The following CMSS1 variants were observed in gnomAD, a reference collection of about 807,000 sequenced individuals.
The protein encoded by CMSS1 is protein CMSS1.
In CMSS1, 33 loss-of-function variants were observed where a neutral mutation model predicts 43.5. The ratio of observed to expected loss-of-function variants is 0.76; its 90% CI spans 0.57 to 1.01. CMSS1 has a LOEUF of 1.01. CMSS1 is among the 50% of genes least tolerant of loss of function. The probability of loss-of-function intolerance (pLI) is 0.00; values close to 1 mark genes in which losing one functional copy is unlikely to be tolerated. For synonymous variants in CMSS1, 115 were observed against 117.2 expected, an observed-to-expected ratio of 0.98 and a Z score of 0.12; for missense variants, 313 against 326.4, an observed-to-expected ratio of 0.96 and a Z score of 0.32.
At chr3:99,883,038 TATA>T (rs1266906727) in intron 1 of CMSS1, among the ~76,000 whole-genome samples, 2 of 152,128 alleles carry the variant, frequency 1.3e-5, no homozygotes, top group Admixed American at 6.5e-5. Context: ...GAAATTCTAT[TATA>T]ATTTATGTCA....
chr3:99,948,194 G>A (rs1216444229), intron 1 of CMSS1, among the ~76,000 whole-genome samples: 2 of 152,096 alleles, frequency 1.3e-5, no homozygotes, highest in African/African-American at 2.4e-5. Context: ...ACATTGCATG[G>A]TATAGGACAT....
chr3:100,124,189 A>T (rs1435437522), intron 1 of CMSS1, among the ~76,000 whole-genome samples: 5 of 149,344 alleles, frequency 3.3e-5, no homozygotes, highest in African/African-American at 4.9e-5. Context: ...AAACATTCCT[A>T]TTTTTTTTTT....
intron 1 of CMSS1, among the ~76,000 whole-genome samples, chr3:100,111,138 C>T (rs936648137): frequency 6.6e-6 from 1 of 152,048 alleles, no homozygotes; most frequent in African/African-American, 2.4e-5. Flanking sequence ...CTTTTAGCAA[C>T]TAAACTGAAT....
intron 1 of CMSS1, among the ~76,000 whole-genome samples, chr3:99,900,652 G>A (rs574832036): frequency 1.3e-5 from 2 of 152,238 alleles, no homozygotes; most frequent in African/African-American, 4.8e-5. Context: ...CTTCCATAAA[G>A]TACCAAATGG....
At chr3:99,882,545 C>T (rs1705763524) in intron 1 of CMSS1, among the ~76,000 whole-genome samples, 1 of 152,062 alleles carries the variant, frequency 6.6e-6, no homozygotes, top group Admixed American at 6.6e-5. Flanking sequence ...TATAAGAGGC[C>T]TTAGAAAACA....
At chr3:99,981,872 C>T (rs1182245506) in intron 1 of CMSS1, among the ~76,000 whole-genome samples, 1 of 152,170 alleles carries the variant, frequency 6.6e-6, no homozygotes, top group Non-Finnish European at 1.5e-5. Context: ...GGCATGGTGG[C>T]TCACACCTGT....
chr3:100,094,272 T>C (rs367833666), intron 1 of CMSS1, among the ~76,000 whole-genome samples: 9 of 152,306 alleles, frequency 5.9e-5, no homozygotes, highest in African/African-American at 2.2e-4. Flanking sequence ...TCTAATTGAA[T>C]TGATTGGATT....
At chr3:100,059,378 G>A (rs759958002) in intron 1 of CMSS1, among the ~76,000 whole-genome samples, 1 of 152,160 alleles carries the variant, frequency 6.6e-6, no homozygotes, top group Non-Finnish European at 1.5e-5. Flanking sequence ...GTCCTTGTCC[G>A]TGGCTTGCTT....
At chr3:99,979,417 A>G (rs1709057604) in intron 1 of CMSS1, among the ~76,000 whole-genome samples, 1 of 152,212 alleles carries the variant, frequency 6.6e-6, no homozygotes, top group African/African-American at 2.4e-5. Context: ...ATGTTATATC[A>G]TGTCCACTTT....
At chr3:99,842,553 C>G (rs1426786588) in intron 1 of CMSS1, among the ~76,000 whole-genome samples, 1 of 148,516 alleles carries the variant, frequency 6.7e-6, no homozygotes, top group African/African-American at 2.5e-5. Context: ...AATATCATAC[C>G]AGGACCATTT....
chr3:100,173,038 TA>T (rs1379640272), intron 8 of CMSS1, among the ~76,000 whole-genome samples: 1 of 152,198 alleles, frequency 6.6e-6, no homozygotes, highest in Non-Finnish European at 1.5e-5. Flanking sequence ...TATTATATAA[TA>T]GAGCTTTTTT....
chr3:99,844,297 A>G lies in CMSS1; in HGVS notation c.64+26254A>G, dbSNP rs114900262. Among the ~76,000 whole-genome samples the G allele has an allele frequency of 5.3e-3, 804 of 152,280 alleles. 10 individuals carry two copies. Among genetic ancestry groups the G allele is most frequent in the African/African-American group, 0.016 (652 of 41,562 alleles). ...ATTGGATAGCTCTGAGTGGAACTTA[A>G]TATCAGGGGATTCTCACACAGGTAT... On this transcript the variant is annotated intron_variant, in intron 1 of 9. Coordinates refer to ENST00000421999, the MANE Select transcript of CMSS1 (RefSeq NM_032359.4).
At chr3:99,976,074 G>A (rs559727289) in intron 1 of CMSS1, among the ~76,000 whole-genome samples, 5 of 151,988 alleles carry the variant, frequency 3.3e-5, no homozygotes, top group Non-Finnish European at 4.4e-5. Context: ...TAGTAGAGAC[G>A]AGGTTTCGCC....
intron 1 of CMSS1, among the ~76,000 whole-genome samples, chr3:99,990,592 T>C (rs1331897548): frequency 6.6e-6 from 1 of 152,178 alleles, no homozygotes; most frequent in East Asian, 1.9e-4. Context: ...CTCTAAATAA[T>C]ACCAATTCTT....
intron 1 of CMSS1, among the ~76,000 whole-genome samples, chr3:100,098,241 T>C (rs1177215702): frequency 1.3e-5 from 2 of 152,176 alleles, no homozygotes; most frequent in African/African-American, 4.8e-5. Flanking sequence ...GGTACCTGTA[T>C]TGGTGATGAT....
intron 1 of CMSS1, among the ~76,000 whole-genome samples, chr3:100,017,834 A>C (rs776310479): frequency 2.6e-5 from 4 of 152,192 alleles, no homozygotes; most frequent in Non-Finnish European, 5.9e-5. Context: ...CTTCAGATCC[A>C]GACTGGAATC....
chr3:100,168,367 G>A (rs116523554), intron 6 of CMSS1, among the ~76,000 whole-genome samples: 28 of 152,274 alleles, frequency 1.8e-4, no homozygotes, highest in African/African-American at 6.5e-4. Flanking sequence ...CAAACAACCA[G>A]TTAGAAGAAA....
At position 100,120,767 on chromosome 3, in the gene CMSS1, G is replaced by A. The variant is rs115893479; in HGVS notation, c.65-26206G>A. Among the ~76,000 whole-genome samples, 83 of 151,864 alleles carry A rather than the reference G, an allele frequency of 5.5e-4. 1 individual carries two copies. Among genetic ancestry groups the A allele is most frequent in the African/African-American group, 1.8e-3 (74 of 41,376 alleles). On this transcript the variant is annotated intron_variant, in intron 1 of 9. Coordinates refer to ENST00000421999, the MANE Select transcript of CMSS1 (RefSeq NM_032359.4). Reference sequence around the variant, plus strand: ...GAGGTGGAGGTCAGGGAGGCTTCACGGGGTGGGGGTGGGGATGCAACTATT... The same window carrying A: ...GAGGTGGAGGTCAGGGAGGCTTCACAGGGTGGGGGTGGGGATGCAACTATT...
intron 8 of CMSS1, 31 bp downstream of exon 8, chr3:100,172,434 C>T (rs1239894327): frequency 6.5e-7 from 1 of 1,547,792 alleles, no homozygotes; most frequent in Non-Finnish European, 8.9e-7. Context: ...TACTCTTGCC[C>T]AGGGCTGGGA....
Sources: allele counts gnomAD v4.1 joint callset (sites outside exome capture counted in the v4.1 genomes callset), GRCh38; gene constraint gnomAD v4.1.1; transcripts MANE v1.5; gene names NCBI Gene and HGNC (gene_info 2026-07-23, HGNC 2026-07-21).